Variants in TMEM123 observed in about 807,000 individuals in gnomAD.
TMEM123 encodes the protein transmembrane protein 123.
Under a neutral mutation model 19.7 loss-of-function variants are expected in TMEM123, and 16 were observed. That is an observed-to-expected ratio of 0.81 (90% confidence interval 0.55 to 1.23). The LOEUF (loss-of-function observed/expected upper bound fraction) is 1.23. Among genes scored for constraint, TMEM123 ranks in the 50% most tolerant of loss-of-function variants. The pLI is 0.00. For synonymous variants in TMEM123, 118 were observed against 99.4 expected (o/e 1.19, Z -1.12); for missense variants, 313 against 257.8 (o/e 1.21, Z -1.47).
intron 2 of TMEM123, among the ~76,000 whole-genome samples, chr11:102,403,312 T>C (rs1951928586): frequency 6.6e-6 from 1 of 152,206 alleles, no homozygotes; most frequent in Non-Finnish European, 1.5e-5. Context: ...GCCCGGCCAA[T>C]ACTCCTTAAA....
chr11:102,439,952 A>G (rs896521471), intron 2 of TMEM123, among the ~76,000 whole-genome samples: 3 of 152,246 alleles, frequency 2.0e-5, no homozygotes, highest in African/African-American at 7.2e-5. Context: ...TGTATCAGTG[A>G]TTGAAGATCA....
intron 4 of TMEM123, among the ~76,000 whole-genome samples, chr11:102,400,128 G>C (rs1367636014): frequency 6.6e-6 from 1 of 152,196 alleles, no homozygotes; most frequent in African/African-American, 2.4e-5. Flanking sequence ...AATCTATCAA[G>C]AAGTTTGATT....
intron 2 of TMEM123, among the ~76,000 whole-genome samples, chr11:102,408,200 C>T (rs1055547153): frequency 6.6e-6 from 1 of 152,166 alleles, no homozygotes; most frequent in African/African-American, 2.4e-5. Flanking sequence ...ACCATCCATG[C>T]ACCTTCCTTC....
chr11:102,401,086 T>A (rs1951908488), intron 4 of TMEM123, among the ~76,000 whole-genome samples: 1 of 152,198 alleles, frequency 6.6e-6, no homozygotes, highest in Non-Finnish European at 1.5e-5. Context: ...AACCACTCAT[T>A]TAAATTTTCA....
In TMEM123 at chr11:102,410,313, A is replaced by T. The variant is rs139269986; in HGVS notation, c.158-8107T>A. On this transcript the variant is annotated intron_variant, in intron 2 of 4. Transcript: ENST00000398136. ...GAAAGGTGATCCTGTTCATTCCCAGAACTGGAATTGAACTGCAAAGAAGCT... is the reference window on the plus strand; with the variant it reads ...GAAAGGTGATCCTGTTCATTCCCAGTACTGGAATTGAACTGCAAAGAAGCT... 4.7e-3 allele frequency among the ~76,000 whole-genome samples: 718 copies of T among 152,238 alleles called. 6 individuals are homozygous for T. The highest frequency in any genetic ancestry group is 0.034 in the South Asian group (163 of 4,810).
intron 2 of TMEM123, among the ~76,000 whole-genome samples, chr11:102,443,445 A>G (rs1857848014): frequency 6.6e-6 from 1 of 152,212 alleles, no homozygotes; most frequent in African/African-American, 2.4e-5. Flanking sequence ...AGAAATGAGG[A>G]AAGGATTCCC....
chr11:102,405,413 TAATA>T (rs1316283886), intron 2 of TMEM123, among the ~76,000 whole-genome samples: 1 of 152,158 alleles, frequency 6.6e-6, no homozygotes, highest in African/African-American at 2.4e-5. Context: ...GGCAAATAAA[TAATA>T]AATATCCAAG....
At chr11:102,410,924 TTTA>T (rs1183177446) in intron 2 of TMEM123, among the ~76,000 whole-genome samples, 1 of 152,214 alleles carries the variant, frequency 6.6e-6, no homozygotes, top group Non-Finnish European at 1.5e-5. Flanking sequence ...TTTCTGAACT[TTTA>T]TTATTATTTT....
chr11:102,420,710 A>G (rs969382110), intron 2 of TMEM123, among the ~76,000 whole-genome samples: 1 of 152,176 alleles, frequency 6.6e-6, no homozygotes, highest in African/African-American at 2.4e-5. Flanking sequence ...GTTAGGACAG[A>G]TGAGTGAATG....
chr11:102,414,491 G>A (rs1457385272), intron 2 of TMEM123, among the ~76,000 whole-genome samples: 1 of 152,212 alleles, frequency 6.6e-6, no homozygotes, highest in Non-Finnish European at 1.5e-5. Flanking sequence ...CAGGCTAACA[G>A]CAGACCTTTC....
chr11:102,401,883 C>T, intron 3 of TMEM123, 33 bp downstream of exon 3: 2 of 1,594,080 alleles, frequency 1.3e-6, no homozygotes, highest in African/African-American at 1.3e-5. Flanking sequence ...CTACTTGCAG[C>T]ATAGGAAAAA....
intron 2 of TMEM123, among the ~76,000 whole-genome samples, chr11:102,447,538 T>C (rs946740878): frequency 1.2e-4 from 18 of 152,242 alleles, no homozygotes; most frequent in Non-Finnish European, 2.5e-4. Flanking sequence ...CTAATATTAC[T>C]GTCTTTATGT....
At chr11:102,448,717 G>A (rs1857908459) in intron 2 of TMEM123, 95 bp downstream of exon 2, 1 of 1,209,130 alleles carries the variant, frequency 8.3e-7, no homozygotes, top group Non-Finnish European at 1.2e-6. Flanking sequence ...GTTAAAACAG[G>A]TCAGTGAACC....
At chr11:102,424,125 T>C (rs1952107082) in intron 2 of TMEM123, among the ~76,000 whole-genome samples, 3 of 152,084 alleles carry the variant, frequency 2.0e-5, no homozygotes, top group South Asian at 2.1e-4. Context: ...ATAATGCCAA[T>C]ACAAAGACAC....
intron 2 of TMEM123, among the ~76,000 whole-genome samples, chr11:102,434,757 T>A (rs558446819): frequency 6.6e-6 from 1 of 152,090 alleles, no homozygotes; most frequent in East Asian, 1.9e-4. Context: ...TTTTTCCATA[T>A]GGAAATCATG....
intron 2 of TMEM123, among the ~76,000 whole-genome samples, chr11:102,406,606 T>C (rs1360178433): frequency 6.6e-6 from 1 of 152,116 alleles, no homozygotes; most frequent in Non-Finnish European, 1.5e-5. Context: ...CCGAGTGCAG[T>C]GGCTCACACC....
intron 2 of TMEM123, among the ~76,000 whole-genome samples, chr11:102,444,475 T>C (rs576790051): frequency 1.4e-5 from 2 of 147,532 alleles, no homozygotes; most frequent in East Asian, 2.0e-4. Context: ...TTCTCACTCA[T>C]AGGTGGGAAC....
chr11:102,445,889 G>A (rs962365311), intron 2 of TMEM123, among the ~76,000 whole-genome samples: 11 of 152,172 alleles, frequency 7.2e-5, no homozygotes, highest in Non-Finnish European at 1.3e-4. Context: ...CAAATGACTA[G>A]GCCAAGGATG....
chr11:102,433,045 T>C (rs570526553), intron 2 of TMEM123, among the ~76,000 whole-genome samples: 1 of 152,056 alleles, frequency 6.6e-6, no homozygotes, highest in South Asian at 2.1e-4. Context: ...GGAGGCCTCA[T>C]GGAGAAACTC....
Sources: gnomAD v4.1 joint callset for allele counts (sites outside exome capture counted in the v4.1 genomes callset) on GRCh38, gnomAD v4.1.1 for gene constraint, MANE v1.5 for transcripts, NCBI Gene and HGNC (gene_info 2026-07-23, HGNC 2026-07-21) for gene names.